SYNE1: variants seen among roughly 807,000 people sequenced by gnomAD.
SYNE1 encodes nesprin-1.
Under a neutral mutation model 1,111.0 loss-of-function variants are expected in SYNE1, and 616 were observed. The observed-to-expected ratio is 0.55, with a 90% CI of 0.52 to 0.59. The LOEUF is 0.59. Among genes scored for constraint, SYNE1 ranks in the 20% least tolerant of loss-of-function variants. The probability of loss-of-function intolerance (pLI) is 0.00; values close to 1 mark genes in which losing one functional copy is unlikely to be tolerated. For synonymous variants in SYNE1, 3,855 were observed against 3,825.8 expected (o/e 1.01, Z -0.28); for missense variants, 10,006 against 10,417.0 (o/e 0.96, Z 1.72).
intron 137 of SYNE1, chr6:152,145,691 G>C: frequency 1.3e-6 from 1 of 765,814 alleles, no homozygotes; most frequent in South Asian, 1.5e-5. Flanking sequence ...GCACAGAGGA[G>C]CGTGCAGGCT....
intron 29 of SYNE1, among the ~76,000 whole-genome samples, chr6:152,445,662 G>A (rs576034083): frequency 6.6e-6 from 1 of 152,010 alleles, no homozygotes; most frequent in Non-Finnish European, 1.5e-5. Context: ...ATATAAATCA[G>A]AGCAAATCTA....
intron 87 of SYNE1, among the ~76,000 whole-genome samples, chr6:152,314,950 C>T (rs1194710626): frequency 2.9e-5 from 4 of 139,030 alleles, no homozygotes; most frequent in East Asian, 2.2e-4. Flanking sequence ...TGAGATCACG[C>T]CACTGAGCTA....
At chr6:152,388,274 C>T (rs979672916) in intron 53 of SYNE1, among the ~76,000 whole-genome samples, 6 of 149,938 alleles carry the variant, frequency 4.0e-5, no homozygotes, top group Admixed American at 6.6e-5. Context: ...TTGACAGGGT[C>T]TTACTCTGTC....
intron 130 of SYNE1, among the ~76,000 whole-genome samples, chr6:152,172,021 A>G (rs1339664580): frequency 6.6e-6 from 1 of 152,238 alleles, no homozygotes; most frequent in Non-Finnish European, 1.5e-5. Flanking sequence ...CTTCTACAAA[A>G]TGTTGAGGCA....
intron 3 of SYNE1, among the ~76,000 whole-genome samples, chr6:152,606,246 C>A (rs2128727508): frequency 6.6e-6 from 1 of 152,156 alleles, no homozygotes; most frequent in Admixed American, 6.5e-5. Flanking sequence ...GGGCCAGGGT[C>A]CAAGCCGGAG....
chr6:152,484,186 TG>T (rs763644006), intron 13 of SYNE1, among the ~76,000 whole-genome samples: 27 of 152,020 alleles, frequency 1.8e-4, no homozygotes, highest in Non-Finnish European at 3.7e-4. Context: ...CACTTTAGCC[TG>T]GGTGACAGAG....
intron 85 of SYNE1, 115 bp downstream of exon 85, chr6:152,318,748 C>A (rs939784383): frequency 5.7e-6 from 7 of 1,232,414 alleles, no homozygotes; most frequent in Non-Finnish European, 7.9e-6. Context: ...CCTGCTGTTA[C>A]TATTTGGTTT....
At position 152,387,104 on chromosome 6, in the gene SYNE1, T is replaced by C; in HGVS notation, c.8455A>G (p.Thr2819Ala). The C allele has an allele frequency of 6.2e-7, 1 of 1,614,122 alleles. No homozygotes were observed. Among genetic ancestry groups the C allele is most frequent in the Non-Finnish European group, 8.5e-7 (1 of 1,179,976 alleles). The change falls in exon 54 of 146, where the codon ACA (threonine) becomes GCA (alanine). Residue 2819 changes from threonine (T) to alanine (A), a missense_variant. By Grantham distance (58) the Thr-to-Ala change is moderately conservative. Transcript: ENST00000367255. ...FKDTAQEELK[T>A]QFNDIMTVAK... The stretch of plus-strand genomic sequence containing the variant: ...ACAGTCATTATATCATTAAACTGTG[T>C]TTTCAGCTCCTCTTGAGCTGTGTCC...
chr6:152,417,080 C>T (rs1021419267), intron 40 of SYNE1, 65 bp from the exon 41 acceptor site: 15 of 1,603,678 alleles, frequency 9.4e-6, no homozygotes, highest in African/African-American at 2.7e-5. Context: ...AGGTATTTTA[C>T]AGGATTTGTG....
intron 6 of SYNE1, among the ~76,000 whole-genome samples, chr6:152,516,866 G>A (rs888651564): frequency 2.0e-5 from 3 of 152,166 alleles, no homozygotes; most frequent in African/African-American, 4.8e-5. Flanking sequence ...GATTAGAGGT[G>A]TGAGCCACTG....
At chr6:152,258,318 G>A (rs775044604) in intron 101 of SYNE1, among the ~76,000 whole-genome samples, 5 of 152,176 alleles carry the variant, frequency 3.3e-5, no homozygotes, top group African/African-American at 4.8e-5. Context: ...TTGGTTATGA[G>A]CACTGAGGAA....
At chr6:152,224,711 T>G in intron 116 of SYNE1, 47 bp from the exon 117 acceptor site, 1 of 1,558,966 alleles carries the variant, frequency 6.4e-7, no homozygotes, top group Non-Finnish European at 8.8e-7. Context: ...ATATCTAGAA[T>G]GATGGAATAT....
At chr6:152,153,258 A>C (rs1324584093) in intron 133 of SYNE1, among the ~76,000 whole-genome samples, 2 of 152,162 alleles carry the variant, frequency 1.3e-5, no homozygotes, top group Non-Finnish European at 2.9e-5. Context: ...AGTGGTAAGG[A>C]AAGTTCAGCT....
chr6:152,410,387 T>C (rs937993406), intron 42 of SYNE1: 3 of 151,272 alleles, frequency 2.0e-5, no homozygotes, highest in African/African-American at 7.3e-5. Flanking sequence ...TATTGGAAGC[T>C]GTAGGCTTTT....
rs2096876183 is a variant in SYNE1 at position 152,358,410 on chromosome 6, T to A, written c.10571A>T (p.Asp3524Val). The A allele has an allele frequency of 6.2e-7, 1 of 1,614,220 alleles. No individual in the cohort carries two copies. Among genetic ancestry groups the A allele is most frequent in the Non-Finnish European group, 8.5e-7 (1 of 1,180,040 alleles). The change falls in exon 66 of 146, where the codon GAT (aspartate) becomes GTT (valine). Residue 3524 changes from aspartate to valine, a missense_variant. Asp to Val is a radical substitution (Grantham distance 152). Transcript: ENST00000367255. ...CAATGTTGTCTCATGAGTGTGGGCA[T>A]CACCTTCAAGAACTGAATACTGGTC... ...KLDQYSVLEG[D>V]AHTHETTLRD...
chr6:152,164,901 G>T (rs1250447300), intron 130 of SYNE1, among the ~76,000 whole-genome samples: 1 of 152,198 alleles, frequency 6.6e-6, no homozygotes, highest in Non-Finnish European at 1.5e-5. Flanking sequence ...ACTTCAAGCT[G>T]CTAGGGTGTC....
At chr6:152,482,982 T>G in intron 14 of SYNE1, 103 bp downstream of exon 14, 1 of 1,301,326 alleles carries the variant, frequency 7.7e-7, no homozygotes, top group African/African-American at 1.5e-5. Context: ...TCATGTAGAA[T>G]TAATATTTGG....
chr6:152,394,743 C>T (rs2154139408), intron 51 of SYNE1, among the ~76,000 whole-genome samples: 1 of 150,370 alleles, frequency 6.7e-6, no homozygotes, highest in East Asian at 1.9e-4. Context: ...GTGTGAATAA[C>T]ATATGGAAAT....
In SYNE1 at chr6:152,308,637, G is replaced by GAA. The variant is rs55633181; in HGVS notation, c.17203-7_17203-6dup. The GAA allele has an allele frequency of 4.1e-4, 591 of 1,455,064 alleles. No homozygotes were observed. Among genetic ancestry groups the GAA allele is most frequent in the African/African-American group, 1.7e-3 (112 of 64,778 alleles). The allele number at this position is 1,455,064 out of a possible 1,614,324, so 90.1% of individuals were successfully genotyped here. ...TTCATATTGTACCACAGCTTCCTTT[G>GAA]AAAAAAAAAAAAAACAGAAAGATAG... is the stretch of plus-strand genomic sequence containing the variant. On this transcript the variant is annotated splice_region_variant and splice_polypyrimidine_tract_variant and intron_variant, in intron 90 of 145. Transcript: ENST00000367255.
Sources: allele counts gnomAD v4.1 joint callset (sites outside exome capture counted in the v4.1 genomes callset), GRCh38; gene constraint gnomAD v4.1.1; transcripts MANE v1.5; gene names NCBI Gene and HGNC (gene_info 2026-07-23, HGNC 2026-07-21).